RRAGB: variants seen among roughly 807,000 people sequenced by gnomAD.
RRAGB encodes ras-related GTP-binding protein B.
Under a neutral mutation model 29.3 loss-of-function variants are expected in RRAGB, and 6 were observed. The ratio of observed to expected loss-of-function variants is 0.21; its 90% confidence interval spans 0.11 to 0.40. The LOEUF (loss-of-function observed/expected upper bound fraction) is 0.40. Ranked by LOEUF, RRAGB falls within the 10% of genes least tolerant of loss-of-function variation. The pLI is 1.00. For missense variants in RRAGB, 184 were observed against 272.9 expected, an observed-to-expected ratio of 0.67 and a Z score of 2.29; for synonymous variants, 101 against 92.5, an observed-to-expected ratio of 1.09 and a Z score of -0.53.
rs1407393736 is a variant in RRAGB, at chrX:55,718,348, G to A, written c.21G>A (p.Glu7=). The change falls in exon 1 of 10, where the codon GAG becomes GAA. Residue 7 remains glutamate (E), a synonymous_variant. Coordinates refer to ENST00000374941, the MANE Select transcript of RRAGB (RefSeq NM_006064.5). MEESDS[E]KTTEKENLGP... Reference sequence around the variant, plus strand: ...GCGCAATGGAAGAATCTGACTCTGAGAAAACGACGGAGAAAGAAAATCTGG... The same window carrying A: ...GCGCAATGGAAGAATCTGACTCTGAAAAAACGACGGAGAAAGAAAATCTGG... 8.3e-7 allele frequency: 1 copy of A among 1,206,128 alleles called. No homozygotes were observed. Among genetic ancestry groups the A allele is most frequent in the South Asian group, 1.8e-5 (1 of 55,664 alleles).
intron 3 of RRAGB, 117 bp downstream of exon 3, chrX:55,722,402 A>T: frequency 2.4e-6 from 1 of 422,138 alleles, no homozygotes; most frequent in Non-Finnish European, 4.1e-6. Context: ...GTTATGGAGC[A>T]TGTTTACCCT....
chrX:55,740,085 G>A (rs1198516395), intron 5 of RRAGB, among the ~76,000 whole-genome samples: 1 of 111,752 alleles, frequency 8.9e-6, no homozygotes, highest in Non-Finnish European at 1.9e-5. Context: ...AACTTTGGGA[G>A]GCCGTGGCGG....
intron 7 of RRAGB, chrX:55,755,164 T>G: frequency 1.3e-6 from 1 of 753,468 alleles, no homozygotes; most frequent in Non-Finnish European, 1.6e-6. Flanking sequence ...TGTTTTGAAA[T>G]TTTCACATTG....
chrX:55,734,883 A>C (rs2033815506), intron 5 of RRAGB, among the ~76,000 whole-genome samples: 1 of 112,425 alleles, frequency 8.9e-6, no homozygotes, highest in Non-Finnish European at 1.9e-5. Flanking sequence ...TTTGACCCAA[A>C]GATCATTGAA....
chrX:55,741,333 G>C (rs2034062939), intron 5 of RRAGB, among the ~76,000 whole-genome samples: 1 of 111,712 alleles, frequency 9.0e-6, no homozygotes, highest in Non-Finnish European at 1.9e-5. Context: ...GTTGTGAGTT[G>C]TCTCCACTGC....
intron 3 of RRAGB, 123 bp downstream of exon 3, chrX:55,722,408 AC>A: frequency 4.9e-6 from 2 of 405,263 alleles, no homozygotes; most frequent in South Asian, 1.2e-4. Context: ...GAGCATGTTT[AC>A]CCTTTTTGCA....
chrX:55,752,375 G>A, intron 6 of RRAGB: 2 of 753,726 alleles, frequency 2.7e-6, no homozygotes, highest in Non-Finnish European at 3.1e-6. Context: ...TGTCTCTGCT[G>A]TGGTTAGCTT....
intron 6 of RRAGB, 67 bp downstream of exon 6, chrX:55,751,263 A>G: frequency 1.8e-6 from 1 of 569,251 alleles, no homozygotes; most frequent in Non-Finnish European, 2.7e-6. Context: ...GATATTAACA[A>G]ACCTAAAAGA....
chrX:55,739,660 C>T (rs1203785372), intron 5 of RRAGB, among the ~76,000 whole-genome samples: 1 of 111,026 alleles, frequency 9.0e-6, no homozygotes, highest in Non-Finnish European at 1.9e-5. Flanking sequence ...TTGCTGCCCA[C>T]CACTTCTTTC....
intron 3 of RRAGB, 103 bp downstream of exon 3, chrX:55,722,388 A>T: frequency 4.2e-6 from 2 of 474,242 alleles, no homozygotes; most frequent in Non-Finnish European, 7.2e-6. Flanking sequence ...AGGTTGGGGA[A>T]TTTGTTATGG....
chrX:55,718,160 A>T lies in RRAGB; in HGVS notation c.-168A>T. The stretch of plus-strand genomic sequence containing the variant: ...CGAGAGATAAAGGTAACCGTGGGGA[A>T]AGCGGCCCCCCAGTGGACAAAGGCG... On this transcript the variant is annotated 5_prime_UTR_variant, in exon 1 of 10. Transcript: ENST00000374941. The T allele has an allele frequency of 2.9e-6, 1 of 340,983 alleles. No homozygotes were observed. Among genetic ancestry groups the T allele is most frequent in the African/African-American group, 2.6e-5 (1 of 38,852 alleles). 28.1% of individuals were successfully genotyped at this position (340,983 alleles called of 1,213,427 possible).
At chrX:55,757,587 A>T (rs1006123385) in intron 9 of RRAGB, among the ~76,000 whole-genome samples, 1 of 112,382 alleles carries the variant, frequency 8.9e-6, no homozygotes, top group African/African-American at 3.2e-5. Context: ...TAATAGACTT[A>T]TATTTTAAAG....
chrX:55,719,057 A>G (rs1161361046), intron 1 of RRAGB, among the ~76,000 whole-genome samples: 1 of 111,935 alleles, frequency 8.9e-6, no homozygotes. Flanking sequence ...TTGAATTTTA[A>G]TGGCTCATTT....
At chrX:55,755,110 A>C (rs1366006081) in intron 7 of RRAGB, 1 of 750,810 alleles carries the variant, frequency 1.3e-6, no homozygotes, top group Non-Finnish European at 1.6e-6. Flanking sequence ...GAGCGGGGTG[A>C]AGTCAAGCAA....
intron 8 of RRAGB, among the ~76,000 whole-genome samples, chrX:55,756,406 G>A (rs1432995322): frequency 8.9e-6 from 1 of 111,900 alleles, no homozygotes; most frequent in Non-Finnish European, 1.9e-5. Flanking sequence ...TTGAATCATA[G>A]CATTGTGAAT....
At chrX:55,721,817 C>T (rs1208848850) in intron 2 of RRAGB, among the ~76,000 whole-genome samples, 1 of 112,399 alleles carries the variant, frequency 8.9e-6, no homozygotes, top group African/African-American at 3.2e-5. Flanking sequence ...CAATCCTCTA[C>T]TAGGTAATTC....
chrX:55,722,124 T>G, intron 2 of RRAGB, 62 bp from the exon 3 acceptor site: 1 of 664,642 alleles, frequency 1.5e-6, no homozygotes, highest in African/African-American at 2.1e-5. Context: ...TAGATCCCTT[T>G]AGACTTGATT....
rs776847634 is a variant in RRAGB, at chrX:55,718,588, T to C, written c.92+169T>C. On this transcript the variant is annotated intron_variant, in intron 1 of 9. Coordinates refer to ENST00000374941, the MANE Select transcript of RRAGB (RefSeq NM_006064.5). ...CGACAGGATAAACTGGAAAGCGAAT[T>C]GGTGCTAACTGATCAGAAACAACCC... 3.6e-5 allele frequency among the ~76,000 whole-genome samples: 4 copies of C among 112,260 alleles called. No individual in the cohort carries two copies. The East Asian group carries it at 1.1e-3, about 31-fold the overall frequency.
intron 2 of RRAGB, among the ~76,000 whole-genome samples, chrX:55,719,596 T>A (rs989476326): frequency 8.9e-6 from 1 of 112,058 alleles, no homozygotes; most frequent in Non-Finnish European, 1.9e-5. Flanking sequence ...CCAAATGATT[T>A]CATGGCCCTT....
Sources: allele counts gnomAD v4.1 joint callset (sites outside exome capture counted in the v4.1 genomes callset), GRCh38; gene constraint gnomAD v4.1.1; transcripts MANE v1.5; gene names NCBI Gene and HGNC (gene_info 2026-07-23, HGNC 2026-07-21).